Variants in KCNH7 observed in about 807,000 individuals in gnomAD.
KCNH7 encodes the protein potassium voltage-gated channel subfamily H member 7, also known as voltage-gated inwardly rectifying potassium channel KCNH7.
In KCNH7, 49 loss-of-function variants were observed where a neutral mutation model predicts 120.8. The ratio of observed to expected loss-of-function variants is 0.41; its 90% CI spans 0.32 to 0.51. The LOEUF (loss-of-function observed/expected upper bound fraction) is 0.51. KCNH7 is among the 20% of genes least tolerant of loss of function. The pLI, the probability that KCNH7 is intolerant of heterozygous loss-of-function variation, is 0.38. For missense variants in KCNH7, 1,097 were observed against 1,446.6 expected, an observed-to-expected ratio of 0.76 and a Z score of 3.92; for synonymous variants, 547 against 516.1, an observed-to-expected ratio of 1.06 and a Z score of -0.81.
At position 162,562,056 on chromosome 2, in the gene KCNH7, G is replaced by A. The variant is rs569141746; in HGVS notation, c.308-24976C>T. ...AGGGGATCATCACACACCGGGGCCT[G>A]TTGGGTGGTCGGGGGCTAGGGGACG... On this transcript the variant is annotated intron_variant, in intron 2 of 15. Transcript: ENST00000332142. Among the ~76,000 whole-genome samples, 160 of 152,192 alleles carry A rather than the reference G, an allele frequency of 1.1e-3. 1 individual carries two copies. Among genetic ancestry groups the A allele is most frequent in the African/African-American group, 3.6e-3 (150 of 41,540 alleles).
intron 1 of KCNH7, among the ~76,000 whole-genome samples, chr2:162,837,095 T>C (rs955255622): frequency 6.6e-6 from 1 of 152,220 alleles, no homozygotes; most frequent in Admixed American, 6.5e-5. Flanking sequence ...CCATTGATAT[T>C]TTCAGAATGT....
rs184248058 is a variant in KCNH7 at position 162,504,730 on chromosome 2, G to A, written c.914-73C>T. ...AGAAAGAGACAGTTCTGAATGCCCT[G>A]CTAATGATTCCTGACCAATATGATC... On this transcript the variant is annotated intron_variant, in intron 5 of 15. Coordinates refer to ENST00000332142, the MANE Select transcript of KCNH7 (RefSeq NM_033272.4). 2.0e-4 allele frequency: 181 copies of A among 918,018 alleles called. 1 individual carries two copies. The Admixed American group carries it at 3.5e-3, about 18-fold the overall frequency. The allele number at this position is 918,018 out of a possible 1,614,324, so 56.9% of individuals were successfully genotyped here. A position where few individuals can be genotyped will look rare whatever the true frequency, so the allele number is the denominator to read the frequency against.
intron 5 of KCNH7, among the ~76,000 whole-genome samples, chr2:162,505,867 A>T (rs900485766): frequency 6.6e-6 from 1 of 151,864 alleles, no homozygotes; most frequent in Non-Finnish European, 1.5e-5. Flanking sequence ...CAAGGTATAA[A>T]CACTTAAAAA....
intron 14 of KCNH7, 111 bp downstream of exon 14, chr2:162,379,742 A>G: frequency 2.0e-6 from 2 of 1,021,626 alleles, no homozygotes; most frequent in South Asian, 1.6e-5. Context: ...AAGTAAATGT[A>G]TAAGGAAATT....
At chr2:162,738,335 AC>A (rs1183937041) in intron 2 of KCNH7, among the ~76,000 whole-genome samples, 1 of 152,082 alleles carries the variant, frequency 6.6e-6, no homozygotes, top group Non-Finnish European at 1.5e-5. Flanking sequence ...ATGACGACCT[AC>A]CCTTGTTGAC....
chr2:162,828,122 GA>G (rs1685349825), intron 2 of KCNH7, among the ~76,000 whole-genome samples: 3 of 152,084 alleles, frequency 2.0e-5, no homozygotes, highest in African/African-American at 7.2e-5. Context: ...AATTTTAATG[GA>G]TTTAGCTAAG....
chr2:162,431,884 G>A (rs1688082157), intron 8 of KCNH7, among the ~76,000 whole-genome samples: 1 of 151,918 alleles, frequency 6.6e-6, no homozygotes, highest in Non-Finnish European at 1.5e-5. Flanking sequence ...CTGATTGAGG[G>A]AATGGAGATC....
At chr2:162,517,707 A>C in intron 4 of KCNH7, 23 bp downstream of exon 4, 1 of 1,527,174 alleles carries the variant, frequency 6.5e-7, no homozygotes, top group Non-Finnish European at 8.9e-7. Context: ...ATATGTTTCC[A>C]TTTAAAAAAA....
At chr2:162,588,242 GA>G (rs1289936870) in intron 2 of KCNH7, among the ~76,000 whole-genome samples, 1 of 151,866 alleles carries the variant, frequency 6.6e-6, no homozygotes, top group Non-Finnish European at 1.5e-5. Flanking sequence ...AAAAGATTAA[GA>G]AACAGCACAA....
intron 2 of KCNH7, among the ~76,000 whole-genome samples, chr2:162,683,705 T>C (rs968210424): frequency 6.6e-6 from 1 of 151,944 alleles, no homozygotes; most frequent in Non-Finnish European, 1.5e-5. Context: ...TAATTTTTAG[T>C]ACTTGTTGGG....
chr2:162,512,763 A>T (rs993105887), intron 4 of KCNH7, 89 bp from the exon 5 acceptor site: 12 of 952,438 alleles, frequency 1.3e-5, no homozygotes, highest in Non-Finnish European at 1.9e-5. Context: ...GTATAAAAAC[A>T]ATCAGAGAAA....
chr2:162,567,127 T>G (rs74326976), intron 2 of KCNH7, among the ~76,000 whole-genome samples: 3,482 of 152,040 alleles, frequency 0.023, 128 homozygotes, highest in East Asian at 0.18. Context: ...GGAATAAATA[T>G]GAATATGGTC....
intron 6 of KCNH7, among the ~76,000 whole-genome samples, chr2:162,467,481 TCTCTCTTGCCTC>T (rs1689347523): frequency 2.0e-5 from 3 of 152,164 alleles, no homozygotes; most frequent in African/African-American, 7.2e-5. Flanking sequence ...TTCCCTCCTC[TCTCTCTTGCCTC>T]CTCTCTTGCC....
chr2:162,503,034 G>T (rs1690737093), intron 6 of KCNH7, among the ~76,000 whole-genome samples: 2 of 152,128 alleles, frequency 1.3e-5, no homozygotes, highest in South Asian at 4.2e-4. Flanking sequence ...TCATTAATTG[G>T]TCAAGCATTT....
chr2:162,400,986 T>C (rs1206781882), intron 9 of KCNH7, among the ~76,000 whole-genome samples: 2 of 151,934 alleles, frequency 1.3e-5, no homozygotes, highest in African/African-American at 2.4e-5. Context: ...TTATGTTTCA[T>C]ATGCACATTA....
At chr2:162,378,611 C>T (rs113400039) in intron 14 of KCNH7, among the ~76,000 whole-genome samples, 117 of 152,200 alleles carry the variant, frequency 7.7e-4, no homozygotes, top group African/African-American at 2.6e-3. Flanking sequence ...GGCATATCAA[C>T]GATAGAAATA....
intron 14 of KCNH7, 58 bp from the exon 15 acceptor site, chr2:162,373,720 CA>C: frequency 2.4e-6 from 3 of 1,261,178 alleles, no homozygotes; most frequent in Non-Finnish European, 1.0e-6. Context: ...ATTTCAGGAG[CA>C]TTTAAAAAAA....
intron 8 of KCNH7, 115 bp downstream of exon 8, chr2:162,435,083 A>T: frequency 1.0e-6 from 1 of 970,528 alleles, no homozygotes; most frequent in Non-Finnish European, 1.5e-6. Context: ...ATGTAATCCC[A>T]TTATCTCCTC....
rs534002323 is a variant in KCNH7 at position 162,625,597 on chromosome 2, G to T, written c.308-88517C>A. Among the ~76,000 whole-genome samples, 11 of 152,228 alleles carry T rather than the reference G, an allele frequency of 7.2e-5. No individual in the cohort carries two copies. In the South Asian group the frequency reaches 2.3e-3, roughly 32 times the overall value. ...GTAGTTATTGCAAGATTTAAAAATA[G>T]AATTGGGTAAGCACAAAGAAAAATA... On this transcript the variant is annotated intron_variant, in intron 2 of 15. Coordinates refer to ENST00000332142, the MANE Select transcript of KCNH7 (RefSeq NM_033272.4).
Sources: allele counts gnomAD v4.1 joint callset (sites outside exome capture counted in the v4.1 genomes callset), GRCh38; gene constraint gnomAD v4.1.1; transcripts MANE v1.5; gene names NCBI Gene and HGNC (gene_info 2026-07-23, HGNC 2026-07-21).